The following MKRN2 variants were observed in gnomAD, a reference collection of about 807,000 sequenced individuals.
The protein encoded by MKRN2 is makorin ring finger protein 2, also known as E3 ubiquitin-protein ligase makorin-2.
A neutral mutation model predicts 45.4 loss-of-function variants in MKRN2; 32 were observed. The ratio of observed to expected loss-of-function variants is 0.70; its 90% CI spans 0.53 to 0.95. The LOEUF is 0.95. MKRN2 is among the 40% of genes least tolerant of loss of function. MKRN2 has a pLI of 0.00. For missense variants in MKRN2, 526 were observed against 536.7 expected (o/e 0.98, Z 0.20); for synonymous variants, 206 against 192.4 (o/e 1.07, Z -0.59).
At chr3:12,570,411 A>G (rs372079960) in intron 3 of MKRN2, among the ~76,000 whole-genome samples, 159 bp downstream of exon 3, 3 of 152,158 alleles carry the variant, frequency 2.0e-5, no homozygotes, top group South Asian at 4.1e-4. Context: ...AAGAGGCTCC[A>G]TGTGGCTGCA....
At chr3:12,557,425 T>C (rs2057987046) in intron 1 of MKRN2, among the ~76,000 whole-genome samples, 1 of 152,210 alleles carries the variant, frequency 6.6e-6, no homozygotes, top group Non-Finnish European at 1.5e-5. Flanking sequence ...GCGTGGCCCC[T>C]GTGGGCTGGG....
intron 3 of MKRN2, among the ~76,000 whole-genome samples, chr3:12,570,900 A>AG (rs1398248373): frequency 1.3e-5 from 2 of 151,572 alleles, no homozygotes; most frequent in Non-Finnish European, 2.9e-5. Flanking sequence ...AAAAAAAAAA[A>AG]AAAGAAAACT....
intron 1 of MKRN2, 63 bp downstream of exon 1, chr3:12,557,239 G>A: frequency 2.0e-6 from 3 of 1,512,436 alleles, no homozygotes; most frequent in Non-Finnish European, 2.7e-6. Flanking sequence ...GCCGGTGCGC[G>A]CCAGTGCTGT....
intron 6 of MKRN2, 124 bp from the exon 7 acceptor site, chr3:12,581,684 C>T: frequency 9.8e-7 from 1 of 1,025,384 alleles, no homozygotes; most frequent in Non-Finnish European, 1.4e-6. Flanking sequence ...CTCAGCTGCC[C>T]CACCTAGAAT....
At chr3:12,562,140 C>T (rs1196189604) in intron 1 of MKRN2, among the ~76,000 whole-genome samples, 3 of 152,106 alleles carry the variant, frequency 2.0e-5, no homozygotes, top group Non-Finnish European at 4.4e-5. Context: ...TCCAGGGAAG[C>T]CCATTAGGGA....
chr3:12,570,181 C>T lies in MKRN2; in HGVS notation c.266C>T (p.Ala89Val). The change falls in exon 3 of 8, where the codon GCA becomes GTA. Residue 89 changes from alanine (A) to valine (V), a missense_variant. Ala to Val is a moderately conservative substitution (Grantham distance 64). Transcript: ENST00000170447. ...HSPHPPSEVTASIVKTNSHEP... is the reference protein window; with the variant it reads ...HSPHPPSEVTVSIVKTNSHEP... ...CCTCACCCTCCTTCCGAGGTCACTG[C>T]ATCCATTGTGAAAACTAACTCACAT... 6.2e-7 allele frequency: 1 copy of T among 1,614,214 alleles called. No homozygotes were observed. The highest frequency in any genetic ancestry group is 8.5e-7 in the Non-Finnish European group (1 of 1,180,022).
At chr3:12,558,078 A>G (rs186346406) in intron 1 of MKRN2, among the ~76,000 whole-genome samples, 2 of 152,324 alleles carry the variant, frequency 1.3e-5, no homozygotes, top group East Asian at 1.9e-4. Flanking sequence ...TCATTTAATA[A>G]TTTTTATGGG....
chr3:12,575,573 A>G (rs1002955319), intron 5 of MKRN2, among the ~76,000 whole-genome samples: 6 of 152,152 alleles, frequency 3.9e-5, no homozygotes, highest in African/African-American at 1.4e-4. Flanking sequence ...CTGTCCGCTC[A>G]TCTCATTCCC....
chr3:12,572,854 G>A (rs1412664840), intron 4 of MKRN2, among the ~76,000 whole-genome samples: 3 of 152,062 alleles, frequency 2.0e-5, no homozygotes, highest in Admixed American at 6.6e-5. Context: ...CAAAGTGCTG[G>A]GATTACAGGC....
intron 1 of MKRN2, among the ~76,000 whole-genome samples, chr3:12,566,648 G>T (rs931452800): frequency 6.6e-6 from 1 of 152,134 alleles, no homozygotes; most frequent in Non-Finnish European, 1.5e-5. Flanking sequence ...TATTGCCCAG[G>T]CTGGAGTGCA....
At chr3:12,580,148 C>T (rs2125308606) in intron 6 of MKRN2, among the ~76,000 whole-genome samples, 1 of 152,312 alleles carries the variant, frequency 6.6e-6, no homozygotes, top group South Asian at 2.1e-4. Flanking sequence ...GAACTGGAGG[C>T]TTTTGGCCTT....
At chr3:12,561,859 A>G (rs1195143460) in intron 1 of MKRN2, among the ~76,000 whole-genome samples, 1 of 152,126 alleles carries the variant, frequency 6.6e-6, no homozygotes, top group East Asian at 1.9e-4. Flanking sequence ...ATTTCTCAAA[A>G]ATAATTCTCA....
At chr3:12,579,572 G>T (rs1287844051) in intron 6 of MKRN2, among the ~76,000 whole-genome samples, 1 of 152,198 alleles carries the variant, frequency 6.6e-6, no homozygotes, top group Non-Finnish European at 1.5e-5. Context: ...GAAAGCACTT[G>T]GATCCACCGG....
chr3:12,574,402 G>A (rs1401700138), intron 4 of MKRN2, among the ~76,000 whole-genome samples: 2 of 152,196 alleles, frequency 1.3e-5, no homozygotes, highest in Non-Finnish European at 2.9e-5. Flanking sequence ...TGGTAAGGAC[G>A]AGTCAGCATC....
intron 1 of MKRN2, among the ~76,000 whole-genome samples, 188 bp downstream of exon 1, chr3:12,557,364 G>A (rs1017659312): frequency 2.6e-5 from 4 of 152,254 alleles, no homozygotes; most frequent in Non-Finnish European, 4.4e-5. Flanking sequence ...GGGGATGCGT[G>A]GCCGAGACGC....
intron 3 of MKRN2, among the ~76,000 whole-genome samples, chr3:12,571,113 T>TG (rs1374400232): frequency 2.3e-5 from 2 of 86,946 alleles, no homozygotes; most frequent in African/African-American, 1.9e-4. Context: ...TTTGTTGTGT[T>TG]TTTTGTTTGT....
chr3:12,576,949 T>TTTTTTTTTTTG, intron 6 of MKRN2: 1 of 274,846 alleles, frequency 3.6e-6, no homozygotes, highest in Non-Finnish European at 6.7e-6. Context: ...TTTTTTTTTT[T>TTTTTTTTTTTG]TTTTTTTTCG....
chr3:12,562,041 T>TG lies in MKRN2; in HGVS notation c.26+4871dup, dbSNP rs529496231. 5.1e-4 allele frequency among the ~76,000 whole-genome samples: 77 copies of TG among 152,042 alleles called. 1 individual carries two copies. Among genetic ancestry groups the TG allele is most frequent in the Non-Finnish European group, 1.5e-4 (10 of 67,992 alleles). Reference sequence around the variant, plus strand: ...AGCCAGATCATGATGGCAGAAGACATGGGGGGTCTGGAGGAGCCTGGGTGC... The same window carrying TG: ...AGCCAGATCATGATGGCAGAAGACATGGGGGGGTCTGGAGGAGCCTGGGTGC... On this transcript the variant is annotated intron_variant, in intron 1 of 7. Transcript: ENST00000170447.
chr3:12,582,453 G>A lies in MKRN2; in HGVS notation c.*200G>A, dbSNP rs1014326944. ...AAGATATAAAGTAACCTAATTAAAT[G>A]TATGGAATTGCTATTTTTATAGCTG... On this transcript the variant is annotated 3_prime_UTR_variant, in exon 8 of 8. Coordinates refer to ENST00000170447, the MANE Select transcript of MKRN2 (RefSeq NM_014160.5). The A allele has an allele frequency of 3.2e-6, 2 of 623,452 alleles. No homozygotes were observed. Among genetic ancestry groups the A allele is most frequent in the South Asian group, 2.5e-5 (1 of 40,564 alleles). 38.6% of individuals were successfully genotyped at this position (623,452 alleles called of 1,614,324 possible).
Sources: allele counts gnomAD v4.1 joint callset (sites outside exome capture counted in the v4.1 genomes callset), GRCh38; gene constraint gnomAD v4.1.1; transcripts MANE v1.5; gene names NCBI Gene and HGNC (gene_info 2026-07-23, HGNC 2026-07-21).